TOP1: variants seen among roughly 807,000 people sequenced by gnomAD.
TOP1 encodes DNA topoisomerase 1.
A neutral mutation model predicts 111.1 loss-of-function variants in TOP1; 10 were observed. That is an observed-to-expected ratio of 0.09 (90% CI 0.06 to 0.15). The LOEUF (loss-of-function observed/expected upper bound fraction) is 0.15. Ranked by LOEUF, TOP1 falls within the 10% of genes least tolerant of loss-of-function variation. The pLI is 1.00. For missense variants in TOP1, 474 were observed against 926.7 expected, an observed-to-expected ratio of 0.51 and a Z score of 6.34; for synonymous variants, 271 against 302.9, an observed-to-expected ratio of 0.89 and a Z score of 1.10.
chr20:41,071,240 G>A lies in TOP1; in HGVS notation c.156-4931G>A, dbSNP rs2033665537. 6.6e-6 allele frequency among the ~76,000 whole-genome samples: 1 copy of A among 152,066 alleles called. No individual in the cohort carries two copies. Among genetic ancestry groups the A allele is most frequent in the Non-Finnish European group, 1.5e-5 (1 of 68,016 alleles). On this transcript the variant is annotated intron_variant, in intron 3 of 20. Transcript: ENST00000361337. The surrounding 1 kb of genome is among the most constrained non-coding windows in gnomAD (Gnocchi z 4.3). ...TATATAAGTGCCTTAGAGAAACTCT[G>A]GTCACCCTTTTCTGTGGTCTGCTTA...
intron 3 of TOP1, chr20:41,072,428 G>A (rs1372428306): frequency 1.0e-6 from 1 of 985,264 alleles, no homozygotes; most frequent in African/African-American, 1.7e-5. Context: ...TTTGGAAAAA[G>A]ACATACATGT....
chr20:41,103,727 C>T (rs2034100449), intron 13 of TOP1, among the ~76,000 whole-genome samples: 1 of 152,090 alleles, frequency 6.6e-6, no homozygotes, highest in Admixed American at 6.5e-5. Flanking sequence ...CTCTTTCTTC[C>T]CTCAGAACGA....
At chr20:41,087,270 T>C (rs1259109604) in intron 8 of TOP1, among the ~76,000 whole-genome samples, 1 of 152,242 alleles carries the variant, frequency 6.6e-6, no homozygotes, top group African/African-American at 2.4e-5. Context: ...CTTGGGTTCA[T>C]ACATGAAATC....
chr20:41,093,767 C>G (rs2033948450), intron 9 of TOP1, among the ~76,000 whole-genome samples: 1 of 152,232 alleles, frequency 6.6e-6, no homozygotes, highest in Non-Finnish European at 1.5e-5. Flanking sequence ...GTGCATCTCT[C>G]TTCCCACCAG....
rs2033962984 is a variant in TOP1, at chr20:41,094,795, G to A, written c.730+2208G>A. 6.6e-6 allele frequency among the ~76,000 whole-genome samples: 1 copy of A among 152,182 alleles called. No homozygotes were observed. Among genetic ancestry groups the A allele is most frequent in the African/African-American group, 2.4e-5 (1 of 41,436 alleles). On this transcript the variant is annotated intron_variant, in intron 9 of 20. Coordinates refer to ENST00000361337, the MANE Select transcript of TOP1 (RefSeq NM_003286.4). The surrounding 1 kb of genome is among the most constrained non-coding windows in gnomAD (Gnocchi z 4.4). ...GGTGGGGCATGGGCTAGCTGAAGCA[G>A]TGAATTACTGCCTTCTCTGAGGACC...
chr20:41,073,001 GC>G (rs2044897624), intron 3 of TOP1: 1 of 985,272 alleles, frequency 1.0e-6, no homozygotes, highest in Non-Finnish European at 1.2e-6. Flanking sequence ...TACTACTCTA[GC>G]AGGAACTTTG....
rs2033538124 is a variant in TOP1, at chr20:41,061,042, C to A, written c.59-352C>A. 6.6e-6 allele frequency among the ~76,000 whole-genome samples: 1 copy of A among 152,158 alleles called. No homozygotes were observed. The highest frequency in any genetic ancestry group is 6.5e-5 in the Admixed American group (1 of 15,270). The stretch of plus-strand genomic sequence containing the variant: ...TTGGATTTTTCAGAAGTTATAACAT[C>A]TGATCTTTAGAGTCAGTGTTCAATA... On this transcript the variant is annotated intron_variant, in intron 2 of 20. Transcript: ENST00000361337. This position sits in a 1 kb window ranked among gnomAD's most constrained non-coding sequence, Gnocchi z 4.6.
chr20:41,040,574 C>A lies in TOP1; in HGVS notation c.58+11119C>A, dbSNP rs184684849. Among the ~76,000 whole-genome samples the A allele has an allele frequency of 2.2e-3, 329 of 152,194 alleles. 1 individual carries two copies. The highest frequency in any genetic ancestry group is 6.5e-3 in the African/African-American group (270 of 41,512). On this transcript the variant is annotated intron_variant, in intron 2 of 20. Coordinates refer to ENST00000361337, the MANE Select transcript of TOP1 (RefSeq NM_003286.4). ...ACAAGTGCTCCAGGGCCAGGCACCC[C>A]ACACTGAGAAGTCCCTAAGAAGTGC...
At chr20:41,039,177 A>C (rs1600552804) in intron 2 of TOP1, among the ~76,000 whole-genome samples, 1 of 152,212 alleles carries the variant, frequency 6.6e-6, no homozygotes, top group South Asian at 2.1e-4. Flanking sequence ...GTGACTAGAC[A>C]CAGATGAACA....
chr20:41,061,513 C>T lies in TOP1; in HGVS notation c.155+23C>T. The T allele has an allele frequency of 6.4e-7, 1 of 1,560,442 alleles. No individual in the cohort carries two copies. Among genetic ancestry groups the T allele is most frequent in the Non-Finnish European group, 8.7e-7 (1 of 1,149,314 alleles). On this transcript the variant is annotated intron_variant, in intron 3 of 20. Coordinates refer to ENST00000361337, the MANE Select transcript of TOP1 (RefSeq NM_003286.4). The surrounding 1 kb of genome is among the most constrained non-coding windows in gnomAD (Gnocchi z 4.6). ...CAGGTAAGGGTGGAATCAAGCAAGT[C>T]CCTCATCATTCAGCAGTGGGTTGGC...
At chr20:41,037,632 T>A (rs2122590269) in intron 2 of TOP1, among the ~76,000 whole-genome samples, 1 of 152,330 alleles carries the variant, frequency 6.6e-6, no homozygotes, top group African/African-American at 2.4e-5. Flanking sequence ...TTTGGGAGAT[T>A]CCATGAAAAA....
chr20:41,062,744 GAAAT>G lies in TOP1; in HGVS notation c.155+1258_155+1261del, dbSNP rs534500330. On this transcript the variant is annotated intron_variant, in intron 3 of 20. Transcript: ENST00000361337. ...AGTAAATCTGATAGAGCTGCAAAGA[GAAAT>G]AAACATTCATAATTATGGTCAGAGA... 6.4e-4 allele frequency among the ~76,000 whole-genome samples: 97 copies of G among 152,256 alleles called. 2 individuals are homozygous for G. Among genetic ancestry groups the G allele is most frequent in the Admixed American group, 1.8e-3 (28 of 15,292 alleles).
At position 41,084,520 on chromosome 20, in the gene TOP1, A is replaced by G. The variant is rs770039906; in HGVS notation, c.566A>G (p.Asp189Gly). 1.3e-6 allele frequency: 2 copies of G among 1,580,718 alleles called. No homozygotes were observed. The highest frequency in any genetic ancestry group is 8.6e-7 in the Non-Finnish European group (1 of 1,161,700). ...KDKDKKVPEP[D>G]NKKKKPKKEE... ...AAAGATAAAAAAGTTCCTGAGCCAGATAACAAGAAAAAGAAGCCGAAGAAA... is the reference window on the plus strand; with the variant it reads ...AAAGATAAAAAAGTTCCTGAGCCAGGTAACAAGAAAAAGAAGCCGAAGAAA... The change falls in exon 8 of 21, where the codon GAT becomes GGT. Residue 189 changes from aspartate (D) to glycine (G), a missense_variant. Transcript: ENST00000361337.
chr20:41,070,455 C>T lies in TOP1; in HGVS notation c.156-5716C>T, dbSNP rs1018275162. Among the ~76,000 whole-genome samples, 7 of 152,196 alleles carry T rather than the reference C, an allele frequency of 4.6e-5. No individual in the cohort carries two copies. The East Asian group carries it at 1.2e-3, about 25-fold the overall frequency. On this transcript the variant is annotated intron_variant, in intron 3 of 20. Transcript: ENST00000361337. ...CATTGTAGTGTGTAATGATGATGGACATTAAGGAACCCTTGTTTCTTAGTG... is the reference window on the plus strand; with the variant it reads ...CATTGTAGTGTGTAATGATGATGGATATTAAGGAACCCTTGTTTCTTAGTG...
Position 41,095,743 on chromosome 20 carries a change from T to C in TOP1, c.731-1477T>C, listed in dbSNP as rs189983054. ...TTAAATTTTAGTTTTCTATAAAGAA[T>C]GTGGGCAGCCTTGGTGAATTATTAA... On this transcript the variant is annotated intron_variant, in intron 9 of 20. Transcript: ENST00000361337. The surrounding 1 kb of genome is among the most constrained non-coding windows in gnomAD (Gnocchi z 4.6). 1.3e-5 allele frequency among the ~76,000 whole-genome samples: 2 copies of C among 152,360 alleles called. No individual in the cohort carries two copies. The highest frequency in any genetic ancestry group is 2.4e-5 in the African/African-American group (1 of 41,586).
In TOP1 at chr20:41,094,058, A is replaced by G. The variant is rs1355526736; in HGVS notation, c.730+1471A>G. Among the ~76,000 whole-genome samples the G allele has an allele frequency of 3.3e-5, 5 of 152,134 alleles. No homozygotes were observed. Among genetic ancestry groups the G allele is most frequent in the Non-Finnish European group, 5.9e-5 (4 of 68,020 alleles). On this transcript the variant is annotated intron_variant, in intron 9 of 20. Transcript: ENST00000361337. This position sits in a 1 kb window ranked among gnomAD's most constrained non-coding sequence, Gnocchi z 4.4. ...ACAGAGTGAGACCCTGTCTCAAAAA[A>G]TAAAATAATAAATAAATAAATAAAA...
chr20:41,070,548 A>G (rs909763247), intron 3 of TOP1, among the ~76,000 whole-genome samples: 1 of 152,348 alleles, frequency 6.6e-6, no homozygotes, highest in Middle Eastern at 3.4e-3. Flanking sequence ...AAGTTACTTA[A>G]ATATTTAATT....
In TOP1 at chr20:41,124,239, TAATC is replaced by T. The variant is rs2034461279; in HGVS notation, c.*945_*948del. ...GTATTTGGTCCAAAAAAAGGAAAAA[TAATC>T]AAGATTTTAGGGCTTTTATTTTTTC... On this transcript the variant is annotated 3_prime_UTR_variant, in exon 21 of 21. Transcript: ENST00000361337. This position sits in a 1 kb window ranked among gnomAD's most constrained non-coding sequence, Gnocchi z 5.4. 2 of 232,824 alleles carry T rather than the reference TAATC, an allele frequency of 8.6e-6. No homozygotes were observed. The highest frequency in any genetic ancestry group is 5.6e-5 in the Admixed American group (1 of 17,766). The allele number at this position is 232,824 out of a possible 1,614,324, so 14.4% of individuals were successfully genotyped here.
chr20:41,079,445 T>C lies in TOP1; in HGVS notation c.336-640T>C, dbSNP rs962701930. Among the ~76,000 whole-genome samples the C allele has an allele frequency of 2.6e-5, 4 of 152,222 alleles. No homozygotes were observed. The highest frequency in any genetic ancestry group is 9.6e-5 in the African/African-American group (4 of 41,454). On this transcript the variant is annotated intron_variant, in intron 5 of 20. Coordinates refer to ENST00000361337, the MANE Select transcript of TOP1 (RefSeq NM_003286.4). This position sits in a 1 kb window ranked among gnomAD's most constrained non-coding sequence, Gnocchi z 4.0. ...AAGGTAAGATCTTAACAAATAGTAG[T>C]GAGACACTCTTCTGTATATAAAGTA... is the stretch of plus-strand genomic sequence containing the variant.
Sources: allele counts gnomAD v4.1 joint callset (sites outside exome capture counted in the v4.1 genomes callset), GRCh38; gene constraint gnomAD v4.1.1; non-coding constraint Gnocchi (gnomAD v3.1); transcripts MANE v1.5; gene names NCBI Gene and HGNC (gene_info 2026-07-23, HGNC 2026-07-21).